BICRA: variants seen among roughly 807,000 people sequenced by gnomAD.
BICRA encodes the protein BRD4-interacting chromatin-remodeling complex-associated protein.
Under a neutral mutation model 96.9 loss-of-function variants are expected in BICRA, and 31 were observed. The ratio of observed to expected loss-of-function variants is 0.32; its 90% CI spans 0.24 to 0.43. BICRA has a LOEUF of 0.43. Among genes scored for constraint, BICRA ranks in the 20% least tolerant of loss-of-function variants. The pLI, the probability that BICRA is intolerant of heterozygous loss-of-function variation, is 1.00. For synonymous variants in BICRA, 1,350 were observed against 1,071.8 expected (o/e 1.26, Z -5.07); for missense variants, 2,283 against 2,190.3 (o/e 1.04, Z -0.84).
At chr19:47,674,406 A>G (rs1828707816) in intron 4 of BICRA, among the ~76,000 whole-genome samples, 1 of 148,984 alleles carries the variant, frequency 6.7e-6, no homozygotes, top group South Asian at 2.1e-4. Context: ...AGAATGCCAT[A>G]TTTGATTTGC....
At chr19:47,645,469 G>T (rs991434515) in intron 1 of BICRA, among the ~76,000 whole-genome samples, 7 of 152,070 alleles carry the variant, frequency 4.6e-5, no homozygotes, top group Non-Finnish European at 1.0e-4. Context: ...CAGGTGGTGC[G>T]TTCAGCTGGA....
intron 1 of BICRA, among the ~76,000 whole-genome samples, chr19:47,646,500 G>C (rs1195135900): frequency 6.6e-6 from 1 of 152,178 alleles, no homozygotes; most frequent in Non-Finnish European, 1.5e-5. Flanking sequence ...TTTCTCCCAT[G>C]TGTTTTACTT....
Position 47,701,782 on chromosome 19 carries a change from A to G in BICRA, c.4050A>G (p.Pro1350=), listed in dbSNP as rs1443887964. The G allele has an allele frequency of 1.3e-6, 2 of 1,528,832 alleles. No individual in the cohort carries two copies. Among genetic ancestry groups the G allele is most frequent in the Non-Finnish European group, 1.8e-6 (2 of 1,137,578 alleles). The allele number at this position is 1,528,832 out of a possible 1,614,324, so 94.7% of individuals were successfully genotyped here. A position where few individuals can be genotyped will look rare whatever the true frequency, so the allele number is the denominator to read the frequency against. ...LKVAEPPPRP[P]PPPPPTGQMN... is the part of the protein sequence containing the mutation. ...TGGCCGAGCCCCCGCCACGGCCGCC[A>G]CCACCACCGCCGCCCACGGGCCAGA... is the stretch of plus-strand genomic sequence containing the variant. Residue 1350 remains proline (P), a synonymous_variant, in exon 15 of 15, where the codon CCA becomes CCG. Coordinates refer to ENST00000594866, the MANE Select transcript of BICRA (RefSeq NM_001394372.1). This position sits in a 1 kb window ranked among gnomAD's most constrained non-coding sequence, Gnocchi z 5.4.
chr19:47,644,835 A>G (rs1440208721), intron 1 of BICRA, among the ~76,000 whole-genome samples: 3 of 152,152 alleles, frequency 2.0e-5, no homozygotes, highest in East Asian at 3.9e-4. Flanking sequence ...ACAGGCCAGT[A>G]GAGCAAAAGG....
intron 1 of BICRA, among the ~76,000 whole-genome samples, chr19:47,632,975 G>A (rs1259495173): frequency 6.6e-6 from 1 of 151,782 alleles, no homozygotes; most frequent in Non-Finnish European, 1.5e-5. Flanking sequence ...GCACCAAAGA[G>A]TTCAGTATCC....
intron 1 of BICRA, among the ~76,000 whole-genome samples, chr19:47,658,120 A>G (rs1156341417): frequency 6.6e-6 from 1 of 152,080 alleles, no homozygotes. Context: ...AAATGTGAAA[A>G]CTTTCCCATA....
intron 1 of BICRA, among the ~76,000 whole-genome samples, chr19:47,653,053 C>T (rs377493515): frequency 9.9e-5 from 14 of 141,370 alleles, no homozygotes; most frequent in African/African-American, 3.6e-4. Context: ...GACAGGGTCT[C>T]GCGCCGTCCG....
intron 1 of BICRA, among the ~76,000 whole-genome samples, chr19:47,644,286 C>T (rs953723712): frequency 2.6e-5 from 4 of 151,820 alleles, no homozygotes; most frequent in Admixed American, 6.6e-5. Context: ...CAGGCTCCCA[C>T]GGTGTTGGGA....
At chr19:47,686,153 A>T (rs191375165) in intron 7 of BICRA, among the ~76,000 whole-genome samples, 1 of 149,826 alleles carries the variant, frequency 6.7e-6, no homozygotes. Flanking sequence ...CTGGTCTTGA[A>T]CTCCTTACCT....
chr19:47,654,140 A>G (rs1255791875), intron 1 of BICRA, among the ~76,000 whole-genome samples: 2 of 152,148 alleles, frequency 1.3e-5, no homozygotes, highest in African/African-American at 4.8e-5. Flanking sequence ...GCAACCTTTT[A>G]CAGTCCTACC....
chr19:47,681,271 C>A lies in BICRA; in HGVS notation c.2101C>A (p.Pro701Thr). ...TCAGGACTCCCTGCAGATGTTCCTG[C>A]CCCAGGTAAGCAGGGCGGGGCAAGG... ...LTQDSLQMFL[P>T]QERSQQPLSA... Residue 701 changes from proline (P) to threonine (T), a missense_variant, in exon 6 of 15, where the codon CCC becomes ACC. Physicochemically the swap from Pro to Thr is conservative, Grantham distance 38. Transcript: ENST00000594866. 5.2e-6 allele frequency: 8 copies of A among 1,541,746 alleles called. No individual in the cohort carries two copies. Among genetic ancestry groups the A allele is most frequent in the Non-Finnish European group, 7.0e-6 (8 of 1,149,466 alleles).
intron 1 of BICRA, among the ~76,000 whole-genome samples, chr19:47,655,855 CA>C (rs1009237984): frequency 2.9e-5 from 4 of 140,086 alleles, no homozygotes; most frequent in Admixed American, 7.2e-5. Context: ...GACTCCATCT[CA>C]AAAAAAAAAT....
At position 47,694,339 on chromosome 19, in the gene BICRA, C is replaced by T. The variant is rs755199343; in HGVS notation, c.2508C>T (p.Val836=). 146 of 945,528 alleles carry T rather than the reference C, an allele frequency of 1.5e-4. No individual in the cohort carries two copies. The highest frequency in any genetic ancestry group is 2.1e-4 in the Non-Finnish European group (136 of 658,516). The allele number at this position is 945,528 out of a possible 1,614,324, so 58.6% of individuals were successfully genotyped here. Residue 836 remains valine (V), a synonymous_variant, in exon 8 of 15, where the codon GTC becomes GTT. Transcript: ENST00000594866. ...QAPPTLPGIF[V]IQNQLGVPPP... is the part of the protein sequence containing the mutation. ...CCCCAACTCTGCCTGGCATCTTTGT[C>T]ATCCAAAACCAGCTAGGCGTTCCCC...
Position 47,701,645 on chromosome 19 carries a change from C to T in BICRA, c.3913C>T (p.Arg1305Cys), listed in dbSNP as rs749436295. 5 of 1,594,396 alleles carry T rather than the reference C, an allele frequency of 3.1e-6. No individual in the cohort carries two copies. Among genetic ancestry groups the T allele is most frequent in the African/African-American group, 1.3e-5 (1 of 74,536 alleles). The change falls in exon 15 of 15, where the codon CGC becomes TGC. Residue 1305 changes from arginine (R) to cysteine (C), a missense_variant. Coordinates refer to ENST00000594866, the MANE Select transcript of BICRA (RefSeq NM_001394372.1). The surrounding 1 kb of genome is among the most constrained non-coding windows in gnomAD (Gnocchi z 5.4). ...PPIKTYEARS[R>C]IGLKLKIKQE... ...CATCAAGACCTACGAGGCCCGGAGC[C>T]GCATCGGGCTCAAGCTCAAGATCAA...
rs3074083 is a variant in BICRA, at chr19:47,658,631, C to CAA, written c.-107-11791_-107-11790dup. On this transcript the variant is annotated intron_variant, in intron 1 of 14. Transcript: ENST00000594866. The stretch of plus-strand genomic sequence containing the variant: ...TGGGTGACAGAATGAGACTTCGTCT[C>CAA]AAAAAAAAAAAAAAAAAAAAAAGCA... 8.8e-3 allele frequency among the ~76,000 whole-genome samples: 852 copies of CAA among 96,948 alleles called. 17 individuals carry two copies. Among genetic ancestry groups the CAA allele is most frequent in the African/African-American group, 0.026 (646 of 24,890 alleles). The allele number at this position is 96,948 out of a possible 152,430, so 63.6% of individuals were successfully genotyped here. A position where few individuals can be genotyped will look rare whatever the true frequency, so the allele number is the denominator to read the frequency against.
chr19:47,631,211 C>CGGGG (rs1972217381), intron 1 of BICRA, among the ~76,000 whole-genome samples: 1 of 151,994 alleles, frequency 6.6e-6, no homozygotes, highest in Non-Finnish European at 1.5e-5. Flanking sequence ...TGCACCACCC[C>CGGGG]ATCTGGCTAA....
rs1347330971 is a variant in BICRA, at chr19:47,702,369, C to T, written c.4637C>T (p.Pro1546Leu). ...CTGCACAGGCCCGAGGCCTACCCACCCTCCAGTCACAACGGTGGCCTCGGC... is the reference window on the plus strand; with the variant it reads ...CTGCACAGGCCCGAGGCCTACCCACTCTCCAGTCACAACGGTGGCCTCGGC... Reference protein sequence around the residue: ...PPLHRPEAYPPSSHNGGLGAR... With the variant: ...PPLHRPEAYPLSSHNGGLGAR... The change falls in exon 15 of 15, where the codon CCC becomes CTC. Residue 1546 changes from proline to leucine, a missense_variant. Coordinates refer to ENST00000594866, the MANE Select transcript of BICRA (RefSeq NM_001394372.1). The T allele has an allele frequency of 7.9e-6, 12 of 1,526,030 alleles. No homozygotes were observed. The highest frequency in any genetic ancestry group is 7.6e-5 in the East Asian group (3 of 39,292). 94.5% of individuals were successfully genotyped at this position (1,526,030 alleles called of 1,614,324 possible).
At position 47,702,082 on chromosome 19, in the gene BICRA, G is replaced by A. The variant is rs1354151238; in HGVS notation, c.4350G>A (p.Glu1450=). The change falls in exon 15 of 15, where the codon GAG becomes GAA. Residue 1450 remains glutamate, a synonymous_variant. Coordinates refer to ENST00000594866, the MANE Select transcript of BICRA (RefSeq NM_001394372.1). ...YQRMLKGPPP[E]PAASAAQGTG... is the part of the protein sequence containing the mutation. ...GTATGCTGAAGGGCCCCCCGCCAGA[G>A]CCCGCAGCCAGCGCCGCCCAAGGCA... The A allele has an allele frequency of 7.9e-6, 12 of 1,513,136 alleles. No individual in the cohort carries two copies. The highest frequency in any genetic ancestry group is 1.1e-5 in the Non-Finnish European group (12 of 1,139,066). The allele number at this position is 1,513,136 out of a possible 1,614,324, so 93.7% of individuals were successfully genotyped here.
In BICRA at chr19:47,699,453, C is replaced by A; in HGVS notation, c.3595+48C>A. On this transcript the variant is annotated intron_variant, in intron 14 of 14. Transcript: ENST00000594866. This position sits in a 1 kb window ranked among gnomAD's most constrained non-coding sequence, Gnocchi z 5.0. ...GAGGGGAGGGAGAGGTGCCCCCACCCCACCTGGGCAGAAGAGTTAGATTCA... is the reference window on the plus strand; with the variant it reads ...GAGGGGAGGGAGAGGTGCCCCCACCACACCTGGGCAGAAGAGTTAGATTCA... The A allele has an allele frequency of 9.4e-7, 1 of 1,066,444 alleles. No homozygotes were observed. The highest frequency in any genetic ancestry group is 1.4e-6 in the Non-Finnish European group (1 of 705,428). 66.1% of individuals were successfully genotyped at this position (1,066,444 alleles called of 1,614,324 possible).
Sources: allele counts gnomAD v4.1 joint callset (sites outside exome capture counted in the v4.1 genomes callset), GRCh38; gene constraint gnomAD v4.1.1; non-coding constraint Gnocchi (gnomAD v3.1); transcripts MANE v1.5; gene names NCBI Gene and HGNC (gene_info 2026-07-23, HGNC 2026-07-21).